Variants in IGDCC3 observed in about 807,000 individuals in gnomAD.
IGDCC3 encodes immunoglobulin superfamily DCC subclass member 3.
A neutral mutation model predicts 72.0 loss-of-function variants in IGDCC3; 47 were observed. The observed-to-expected ratio is 0.65, with a 90% CI of 0.52 to 0.83. IGDCC3 has a LOEUF of 0.83. Ranked by LOEUF, IGDCC3 falls within the 40% of genes least tolerant of loss-of-function variation. The probability of loss-of-function intolerance (pLI) is 0.00; values close to 1 mark genes in which losing one functional copy is unlikely to be tolerated. For missense variants in IGDCC3, 1,038 were observed against 1,091.3 expected, an observed-to-expected ratio of 0.95 and a Z score of 0.69; for synonymous variants, 477 against 472.8, an observed-to-expected ratio of 1.01 and a Z score of -0.11.
At position 65,335,835 on chromosome 15, in the gene IGDCC3, G is replaced by A; in HGVS notation, c.531C>T (p.Val177=). ...ACCTCTCATTGTCCGTGTCAATTGG[G>A]ACTCTGTTCTTCTCCCAAGTGATCA... ...KPLITWEKNR[V]PIDTDNERYT... Residue 177 remains valine (V), a synonymous_variant, in exon 3 of 14, where the codon GTC becomes GTT. Transcript: ENST00000327987. The A allele has an allele frequency of 6.2e-7, 1 of 1,614,152 alleles. No individual in the cohort carries two copies. Among genetic ancestry groups the A allele is most frequent in the Non-Finnish European group, 8.5e-7 (1 of 1,180,024 alleles).
chr15:65,330,061 T>C (rs1227307921), intron 11 of IGDCC3, among the ~76,000 whole-genome samples, 197 bp from the exon 12 acceptor site: 2 of 152,168 alleles, frequency 1.3e-5, no homozygotes, highest in African/African-American at 4.8e-5. Context: ...GCATGGACCA[T>C]TTCATCCTTG....
chr15:65,327,949 G>C lies in IGDCC3; in HGVS notation c.*960C>G, dbSNP rs535646356. The C allele has an allele frequency of 1.3e-5, 2 of 152,850 alleles. No homozygotes were observed. The highest frequency in any genetic ancestry group is 3.9e-4 in the East Asian group (2 of 5,194). 9.5% of individuals were successfully genotyped at this position (152,850 alleles called of 1,614,324 possible). A position where few individuals can be genotyped will look rare whatever the true frequency, so the allele number is the denominator to read the frequency against. ...ATCAAGGATGGGCTGGCTCAAAATG[G>C]GAGTGGACAGACAAGACGGGGACAG... On this transcript the variant is annotated 3_prime_UTR_variant, in exon 14 of 14. Coordinates refer to ENST00000327987, the MANE Select transcript of IGDCC3 (RefSeq NM_004884.4).
intron 2 of IGDCC3, chr15:65,374,263 T>C (rs1314117794): frequency 6.6e-6 from 1 of 152,252 alleles, no homozygotes; most frequent in African/African-American, 2.4e-5. Context: ...TTGCCAAAAC[T>C]TCTGCCCTTT....
Position 65,329,505 on chromosome 15 carries a change from G to T in IGDCC3, c.2090C>A (p.Ala697Glu), listed in dbSNP as rs142373989. 3.1e-6 allele frequency: 5 copies of T among 1,607,414 alleles called. No homozygotes were observed. The highest frequency in any genetic ancestry group is 3.4e-6 in the Non-Finnish European group (4 of 1,178,368). The change falls in exon 13 of 14, where the codon GCG (alanine) becomes GAG (glutamate). Residue 697 changes from alanine (A) to glutamate (E), a missense_variant. Physicochemically the swap from Ala to Glu is moderately radical, Grantham distance 107. Coordinates refer to ENST00000327987, the MANE Select transcript of IGDCC3 (RefSeq NM_004884.4). This position sits in a 1 kb window ranked among gnomAD's most constrained non-coding sequence, Gnocchi z 4.1. ...CAGCTGGCCCCGCTGTCCCCGTCTC[G>T]CCCCATTTAGGGCTAGAATGCCAGG... is the stretch of plus-strand genomic sequence containing the variant. ...RDPGILALNG[A>E]RRGQRGQLGR...
At chr15:65,349,303 G>A (rs1406603074) in intron 2 of IGDCC3, among the ~76,000 whole-genome samples, 2 of 152,186 alleles carry the variant, frequency 1.3e-5, no homozygotes, top group Non-Finnish European at 2.9e-5. Flanking sequence ...GGCGATGGTG[G>A]CATAAGCCGA....
chr15:65,335,215 A>G lies in IGDCC3; in HGVS notation c.685+76T>C, dbSNP rs1017399183. The stretch of plus-strand genomic sequence containing the variant: ...TGAGAAGGCTGCAGAGGCCAGCTGA[A>G]GGGGGTTGATCTAAGGGTAGGGAGG... On this transcript the variant is annotated intron_variant, in intron 4 of 13. Coordinates refer to ENST00000327987, the MANE Select transcript of IGDCC3 (RefSeq NM_004884.4). 12 of 1,484,712 alleles carry G rather than the reference A, an allele frequency of 8.1e-6. No homozygotes were observed. The African/African-American group carries it at 1.4e-4, about 17-fold the overall frequency. 92.0% of individuals were successfully genotyped at this position (1,484,712 alleles called of 1,614,324 possible). A position where few individuals can be genotyped will look rare whatever the true frequency, so the allele number is the denominator to read the frequency against.
At chr15:65,347,893 G>A (rs527816173) in intron 2 of IGDCC3, among the ~76,000 whole-genome samples, 2 of 152,216 alleles carry the variant, frequency 1.3e-5, no homozygotes, top group African/African-American at 4.8e-5. Context: ...CCGAGGTCAC[G>A]CCATTGCACT....
At position 65,329,328 on chromosome 15, in the gene IGDCC3, G is replaced by A; in HGVS notation, c.2205+62C>T. On this transcript the variant is annotated intron_variant, in intron 13 of 13. Coordinates refer to ENST00000327987, the MANE Select transcript of IGDCC3 (RefSeq NM_004884.4). The surrounding 1 kb of genome is among the most constrained non-coding windows in gnomAD (Gnocchi z 4.1). Reference sequence around the variant, plus strand: ...CCCGTGGCCAAGGTGAAGGGGGGCAGGATTGGAAGGTGGCAGTGTCAGAGC... The same window carrying A: ...CCCGTGGCCAAGGTGAAGGGGGGCAAGATTGGAAGGTGGCAGTGTCAGAGC... 6.6e-7 allele frequency: 1 copy of A among 1,513,860 alleles called. No individual in the cohort carries two copies. The highest frequency in any genetic ancestry group is 1.2e-5 in the South Asian group (1 of 81,828). 93.8% of individuals were successfully genotyped at this position (1,513,860 alleles called of 1,614,324 possible). A position where few individuals can be genotyped will look rare whatever the true frequency, so the allele number is the denominator to read the frequency against.
At chr15:65,353,842 C>A (rs538027389) in intron 2 of IGDCC3, among the ~76,000 whole-genome samples, 1 of 152,284 alleles carries the variant, frequency 6.6e-6, no homozygotes, top group Non-Finnish European at 1.5e-5. Flanking sequence ...CAAGAAATAA[C>A]CATAAAAATG....
In IGDCC3 at chr15:65,333,215, C is replaced by T. The variant is rs762121270; in HGVS notation, c.982+42G>A. Reference sequence around the variant, plus strand: ...CCTGGGCTGGGAGGAAGGGACTGTGCGGAGATCCCTGCCCTCCTCCTCAGG... The same window carrying T: ...CCTGGGCTGGGAGGAAGGGACTGTGTGGAGATCCCTGCCCTCCTCCTCAGG... On this transcript the variant is annotated intron_variant, in intron 6 of 13. Coordinates refer to ENST00000327987, the MANE Select transcript of IGDCC3 (RefSeq NM_004884.4). 27 of 1,541,676 alleles carry T rather than the reference C, an allele frequency of 1.8e-5. No homozygotes were observed. In the Middle Eastern group the frequency reaches 6.1e-4, roughly 35 times the overall value.
At chr15:65,345,862 G>A (rs1334041338) in intron 2 of IGDCC3, among the ~76,000 whole-genome samples, 3 of 152,158 alleles carry the variant, frequency 2.0e-5, no homozygotes, top group Admixed American at 6.5e-5. Flanking sequence ...CAGCCAGTCC[G>A]TGGTGTTAAG....
At chr15:65,367,346 CAAAA>C (rs10609381) in intron 2 of IGDCC3, among the ~76,000 whole-genome samples, 1,577 of 74,428 alleles carry the variant, frequency 0.021, 23 homozygotes, top group African/African-American at 0.061. Flanking sequence ...GACTTTGTCT[CAAAA>C]AAAAAAAAAA....
At chr15:65,362,395 G>A (rs2091267249) in intron 2 of IGDCC3, among the ~76,000 whole-genome samples, 1 of 152,146 alleles carries the variant, frequency 6.6e-6, no homozygotes, top group African/African-American at 2.4e-5. Flanking sequence ...GCATCATGGT[G>A]TCAGGGTCAA....
chr15:65,329,553 T>C lies in IGDCC3; in HGVS notation c.2042A>G (p.Gln681Arg). ...KDVENQLSPPQGPRSQRDPGI... is the reference protein window; with the variant it reads ...KDVENQLSPPRGPRSQRDPGI... Reference sequence around the variant, plus strand: ...AGGGTCCCTCTGGCTCCGGGGACCCTGTGGAGGGGACAGCTGGTTTTCCAC... The same window carrying C: ...AGGGTCCCTCTGGCTCCGGGGACCCCGTGGAGGGGACAGCTGGTTTTCCAC... The change falls in exon 13 of 14, where the codon CAG becomes CGG. Residue 681 changes from glutamine (Q) to arginine (R), a missense_variant. Physicochemically the swap from Gln to Arg is conservative, Grantham distance 43 (BLOSUM62 1). Coordinates refer to ENST00000327987, the MANE Select transcript of IGDCC3 (RefSeq NM_004884.4). The surrounding 1 kb of genome is among the most constrained non-coding windows in gnomAD (Gnocchi z 4.1). 2 of 1,611,148 alleles carry C rather than the reference T, an allele frequency of 1.2e-6. No homozygotes were observed. The highest frequency in any genetic ancestry group is 1.7e-6 in the Non-Finnish European group (2 of 1,179,292).
chr15:65,349,108 G>A (rs1009514968), intron 2 of IGDCC3, among the ~76,000 whole-genome samples: 3 of 152,204 alleles, frequency 2.0e-5, no homozygotes, highest in Non-Finnish European at 4.4e-5. Context: ...ATCTTGTGCT[G>A]AAACTCCTAG....
chr15:65,330,091 G>A (rs1257495425), intron 11 of IGDCC3, among the ~76,000 whole-genome samples: 1 of 152,286 alleles, frequency 6.6e-6, no homozygotes, highest in East Asian at 1.9e-4. Flanking sequence ...TGTAAAGTAG[G>A]TACTATTATC....
At chr15:65,351,550 G>GA (rs1261836711) in intron 2 of IGDCC3, among the ~76,000 whole-genome samples, 1 of 139,798 alleles carries the variant, frequency 7.2e-6, no homozygotes, top group Non-Finnish European at 1.6e-5. Flanking sequence ...AAAAAAAAAA[G>GA]AATCTTACCT....
intron 2 of IGDCC3, among the ~76,000 whole-genome samples, chr15:65,353,471 C>T (rs2091187965): frequency 6.6e-6 from 1 of 152,074 alleles, no homozygotes; most frequent in African/African-American, 2.4e-5. Context: ...AGGATGGTCT[C>T]GATCTCCTGA....
intron 2 of IGDCC3, among the ~76,000 whole-genome samples, chr15:65,368,300 GA>G (rs1173014994): frequency 2.0e-5 from 3 of 151,518 alleles, no homozygotes; most frequent in Admixed American, 1.3e-4. Context: ...GGAGGGGACA[GA>G]GGGTTAAGGG....
Sources: allele counts gnomAD v4.1 joint callset (sites outside exome capture counted in the v4.1 genomes callset), GRCh38; gene constraint gnomAD v4.1.1; non-coding constraint Gnocchi (gnomAD v3.1); transcripts MANE v1.5; gene names NCBI Gene and HGNC (gene_info 2026-07-23, HGNC 2026-07-21).